The following UTY variants were observed in gnomAD, a reference collection of about 807,000 sequenced individuals.
UTY encodes ubiquitously transcribed tetratricopeptide repeat containing, Y-linked, also known as histone demethylase UTY.
UTY carries 12 observed loss-of-function variants against 32.5 expected under a neutral mutation model. That is an observed-to-expected ratio of 0.37 (90% CI 0.24 to 0.60). UTY has a LOEUF of 0.60. Among genes scored for constraint, UTY ranks in the 20% least tolerant of loss-of-function variants. UTY has a pLI of 0.69. For synonymous variants in UTY, 131 were observed against 103.4 expected (o/e 1.27, Z -1.62); for missense variants, 303 against 299.2 (o/e 1.01, Z -0.09).
chrY:13,277,830 GC>G (rs2056787074), intron 27 of UTY, among the ~76,000 whole-genome samples: 1 of 33,225 alleles, frequency 3.0e-5, no homozygotes, highest in Non-Finnish European at 7.4e-5. Context: ...TAGTTCTCAG[GC>G]AAGTCCTAGT....
At chrY:13,446,912 C>T (rs997189763) in intron 4 of UTY, among the ~76,000 whole-genome samples, 2 of 31,899 alleles carry the variant, frequency 6.3e-5, no homozygotes, top group Admixed American at 2.9e-4. Context: ...AGCACTACAA[C>T]GACAGACATA....
intron 8 of UTY, among the ~76,000 whole-genome samples, chrY:13,391,192 T>C: frequency 3.0e-5 from 1 of 33,347 alleles, no homozygotes; most frequent in South Asian, 6.6e-4. Context: ...CACAAACAGG[T>C]ATAGTCTAAT....
At position 13,374,910 on chromosome Y, in the gene UTY, A is replaced by G. The variant is rs528074924; in HGVS notation, c.646-5561T>C. ...TCCATTTCCCATAGTTCATTCTACT[A>G]TCCCCCAATGGGGTATTTGTAGACT... On this transcript the variant is annotated intron_variant, in intron 8 of 29. Transcript: ENST00000545955. Among the ~76,000 whole-genome samples the G allele has an allele frequency of 2.3e-4, 8 of 34,437 alleles. No homozygotes were observed. In the South Asian group the frequency reaches 5.0e-3, roughly 22 times the overall value. The allele number at this position is 34,437 out of a possible 37,273, so 92.4% of individuals were successfully genotyped here.
chrY:13,384,618 G>A, intron 8 of UTY, among the ~76,000 whole-genome samples: 1 of 32,841 alleles, frequency 3.0e-5, no homozygotes, highest in Non-Finnish European at 7.5e-5. Flanking sequence ...AGCTCAGATC[G>A]CACCTCTATA....
At chrY:13,263,769 T>G (rs567052641) in intron 27 of UTY, among the ~76,000 whole-genome samples, 2 of 34,149 alleles carry the variant, frequency 5.9e-5, no homozygotes, top group South Asian at 6.5e-4. Context: ...ACAAAATCAC[T>G]TTGTTAAAGT....
chrY:13,254,487 T>C, intron 28 of UTY, among the ~76,000 whole-genome samples: 2 of 33,439 alleles, frequency 6.0e-5, no homozygotes, highest in Non-Finnish European at 1.5e-4. Flanking sequence ...GGAAACGCCA[T>C]GAGAGGCCCA....
chrY:13,404,197 T>C, intron 6 of UTY, among the ~76,000 whole-genome samples: 2 of 33,366 alleles, frequency 6.0e-5, no homozygotes, highest in Admixed American at 2.7e-4. Flanking sequence ...ATGGCAAGAA[T>C]TTCACATGAA....
At chrY:13,371,458 C>T (rs2064926484) in intron 8 of UTY, among the ~76,000 whole-genome samples, 1 of 33,058 alleles carries the variant, frequency 3.0e-5, no homozygotes, top group Non-Finnish European at 7.5e-5. Context: ...TCTGCAGTTT[C>T]ACTTTCCATG....
At chrY:13,410,860 T>A in intron 6 of UTY, 133 bp downstream of exon 6, 7 of 215,508 alleles carry the variant, frequency 3.2e-5, no homozygotes, top group Non-Finnish European at 4.9e-5. Flanking sequence ...TTAGGTCATA[T>A]CCTCAATTTT....
intron 21 of UTY, among the ~76,000 whole-genome samples, chrY:13,316,279 C>G: frequency 3.0e-5 from 1 of 32,991 alleles, no homozygotes; most frequent in Admixed American, 2.8e-4. Flanking sequence ...AAAATTTGTT[C>G]GAGATCCGAA....
chrY:13,355,975 G>A lies in UTY; in HGVS notation c.1613C>T (p.Ala538Val), dbSNP rs925753161. Residue 538 changes from alanine (A) to valine (V), a missense_variant, in exon 16 of 30, where the codon GCA (alanine) becomes GTA (valine). Physicochemically the swap from Ala to Val is moderately conservative, Grantham distance 64. Transcript: ENST00000545955. ...LRANRDNLNP[A>V]QKHQLEQLES... ...TAACTGTTCCAGCTGATGCTTCTGT[G>A]CTGGATTTAAATTATCTCTATTTGC... 2.5e-6 allele frequency: 1 copy of A among 392,747 alleles called. No homozygotes were observed. Among genetic ancestry groups the A allele is most frequent in the Non-Finnish European group, 3.6e-6 (1 of 280,482 alleles).
intron 3 of UTY, among the ~76,000 whole-genome samples, chrY:13,450,552 C>T (rs2076237019): frequency 3.0e-5 from 1 of 33,660 alleles, no homozygotes; most frequent in Admixed American, 2.7e-4. Flanking sequence ...TGGCCAGGCG[C>T]AGTTGCTCAC....
chrY:13,302,401 C>G (rs2058423747), intron 25 of UTY, among the ~76,000 whole-genome samples: 1 of 33,787 alleles, frequency 3.0e-5, no homozygotes, highest in Non-Finnish European at 7.4e-5. Context: ...CAATTCACAC[C>G]TATTACCACG....
At chrY:13,418,490 C>T (rs1603457805) in intron 4 of UTY, among the ~76,000 whole-genome samples, 1 of 33,090 alleles carries the variant, frequency 3.0e-5, no homozygotes, top group East Asian at 8.0e-4. Flanking sequence ...GCCACACTGA[C>T]TTCCACAATG....
chrY:13,414,668 T>C, intron 5 of UTY, 67 bp downstream of exon 5: 1 of 281,356 alleles, frequency 3.6e-6, no homozygotes, highest in South Asian at 3.8e-5. Flanking sequence ...GTGATACTAC[T>C]GGAAATGTAT....
chrY:13,288,081 G>A, intron 27 of UTY, among the ~76,000 whole-genome samples: 5 of 32,116 alleles, frequency 1.6e-4, no homozygotes, highest in Admixed American at 1.2e-3. Flanking sequence ...AAACTAATAA[G>A]AGATCAATGG....
At position 13,323,588 on chromosome Y, in the gene UTY, T is replaced by C; in HGVS notation, c.3243A>G (p.Gln1081=). 1 of 397,275 alleles carries C rather than the reference T, an allele frequency of 2.5e-6. No homozygotes were observed. The highest frequency in any genetic ancestry group is 3.5e-6 in the Non-Finnish European group (1 of 282,590). The stretch of plus-strand genomic sequence containing the variant: ...ATTCCTGGAAGGAGGAAGCCTGGTA[T>C]TGTGCGTATTTGGCAATTGTAGTAT... ...RSHTTIAKYA[Q]YQASSFQESL... The change falls in exon 21 of 30, where the codon CAA becomes CAG. Residue 1081 remains glutamine (Q), a synonymous_variant. Transcript: ENST00000545955.
At chrY:13,304,557 C>T in intron 24 of UTY, among the ~76,000 whole-genome samples, 5 of 33,041 alleles carry the variant, frequency 1.5e-4, no homozygotes, top group Admixed American at 8.4e-4. Flanking sequence ...GCCTTTAAGA[C>T]AATTAATATA....
chrY:13,320,624 T>C, intron 21 of UTY, among the ~76,000 whole-genome samples: 1 of 33,903 alleles, frequency 2.9e-5, no homozygotes, highest in African/African-American at 1.1e-4. Flanking sequence ...CAAGAAAACT[T>C]TCAAGTTAAC....
Sources: allele counts gnomAD v4.1 joint callset (sites outside exome capture counted in the v4.1 genomes callset), GRCh38; gene constraint gnomAD v4.1.1; transcripts MANE v1.5; gene names NCBI Gene and HGNC (gene_info 2026-07-23, HGNC 2026-07-21).